Variants in KLHL5 observed in about 807,000 individuals in gnomAD.
KLHL5 encodes kelch like family member 5.
Under a neutral mutation model 77.7 loss-of-function variants are expected in KLHL5, and 48 were observed. The ratio of observed to expected loss-of-function variants is 0.62; its 90% CI spans 0.49 to 0.79. KLHL5 has a LOEUF of 0.79. Ranked by LOEUF, KLHL5 falls within the 30% of genes least tolerant of loss-of-function variation. KLHL5 has a pLI of 0.00. For missense variants in KLHL5, 723 were observed against 859.7 expected (o/e 0.84, Z 1.99); for synonymous variants, 260 against 297.0 (o/e 0.88, Z 1.28).
At chr4:39,080,959 A>G in intron 2 of KLHL5, 144 bp from the exon 3 acceptor site, 1 of 704,272 alleles carries the variant, frequency 1.4e-6, no homozygotes, top group Non-Finnish European at 2.2e-6. Flanking sequence ...AAGGAACTAG[A>G]GCATAAAGCA....
intron 1 of KLHL5, among the ~76,000 whole-genome samples, chr4:39,048,988 C>G (rs1438020556): frequency 3.3e-5 from 5 of 152,100 alleles, no homozygotes; most frequent in Non-Finnish European, 7.4e-5. Flanking sequence ...ACTTAACTTC[C>G]ACTGCTATTT....
intron 7 of KLHL5, among the ~76,000 whole-genome samples, chr4:39,106,919 AAT>A (rs1225220103): frequency 1.3e-5 from 2 of 151,270 alleles, no homozygotes; most frequent in Admixed American, 6.6e-5. Context: ...AAAAAAAAAA[AAT>A]TTGTAGAGAT....
intron 6 of KLHL5, among the ~76,000 whole-genome samples, chr4:39,101,531 A>G (rs1233282570): frequency 6.6e-6 from 1 of 151,970 alleles, no homozygotes; most frequent in East Asian, 1.9e-4. Flanking sequence ...AGTATAAGGG[A>G]CTCTGTTTGG....
chr4:39,126,408 A>G (rs534761024), downstream of KLHL5, among the ~76,000 whole-genome samples: 5 of 152,232 alleles, frequency 3.3e-5, no homozygotes, highest in Admixed American at 3.3e-4. Flanking sequence ...GATGTAGGAG[A>G]GTACCGTGTT....
intron 5 of KLHL5, among the ~76,000 whole-genome samples, chr4:39,087,415 A>G (rs1720150016): frequency 6.6e-6 from 1 of 152,210 alleles, no homozygotes; most frequent in African/African-American, 2.4e-5. Flanking sequence ...TAGATTAACA[A>G]GGTATATTAA....
downstream of KLHL5, among the ~76,000 whole-genome samples, chr4:39,130,295 T>C (rs1003275552): frequency 3.9e-5 from 6 of 152,166 alleles, no homozygotes; most frequent in African/African-American, 1.4e-4. Context: ...AGGAATAGGT[T>C]GGGCTAGTTA....
chr4:39,108,127 C>T (rs1307164082), intron 8 of KLHL5, among the ~76,000 whole-genome samples: 1 of 151,674 alleles, frequency 6.6e-6, no homozygotes, highest in Non-Finnish European at 1.5e-5. Context: ...AAATTCCTTC[C>T]ATCTTTTCTA....
intron 4 of KLHL5, among the ~76,000 whole-genome samples, chr4:39,083,111 T>C (rs1346364795): frequency 2.6e-5 from 4 of 152,206 alleles, no homozygotes; most frequent in Admixed American, 6.5e-5. Flanking sequence ...TCCTCCGTCG[T>C]TCCACTGAGT....
At chr4:39,117,124 C>T (rs1722898616) in intron 10 of KLHL5, among the ~76,000 whole-genome samples, 1 of 152,102 alleles carries the variant, frequency 6.6e-6, no homozygotes, top group African/African-American at 2.4e-5. Flanking sequence ...CATGAGCCAC[C>T]ATGCCCAGCC....
chr4:39,076,047 C>G lies in KLHL5; in HGVS notation c.466C>G (p.His156Asp). The stretch of plus-strand genomic sequence containing the variant: ...AGATGAATTTTTCCAAGCCCTTAAT[C>G]ATGCCGAGCAAACATTTAAAAAAAT... Reference protein sequence around the residue: ...TSDEFFQALNHAEQTFKKMEN... With the variant: ...TSDEFFQALNDAEQTFKKMEN... The change falls in exon 2 of 11, where the codon CAT (histidine) becomes GAT (aspartate). Residue 156 changes from histidine to aspartate, a missense_variant. His to Asp is a moderately conservative substitution (Grantham distance 81). Transcript: ENST00000504108. 6.2e-7 allele frequency: 1 copy of G among 1,611,072 alleles called. No individual in the cohort carries two copies. The highest frequency in any genetic ancestry group is 1.3e-5 in the African/African-American group (1 of 74,822).
At chr4:39,118,545 C>T (rs1446834873) in intron 10 of KLHL5, among the ~76,000 whole-genome samples, 3 of 152,176 alleles carry the variant, frequency 2.0e-5, no homozygotes, top group Non-Finnish European at 2.9e-5. Context: ...CACCTGAGGT[C>T]AGGAGTTCAT....
intron 7 of KLHL5, among the ~76,000 whole-genome samples, chr4:39,106,195 C>A (rs1722023878): frequency 6.6e-6 from 1 of 152,162 alleles, no homozygotes; most frequent in South Asian, 2.1e-4. Context: ...ACCTTGTTGT[C>A]CCTTAGACAC....
chr4:39,068,257 A>G (rs568911210), intron 1 of KLHL5, among the ~76,000 whole-genome samples: 1 of 152,008 alleles, frequency 6.6e-6, no homozygotes, highest in East Asian at 1.9e-4. Context: ...TCAGTTTTAA[A>G]TTAAATTCCT....
chr4:39,072,103 G>C (rs553352102), intron 1 of KLHL5, among the ~76,000 whole-genome samples: 36 of 152,152 alleles, frequency 2.4e-4, no homozygotes, highest in African/African-American at 8.4e-4. Context: ...TAAATAAGAA[G>C]TATGAAATTT....
intron 5 of KLHL5, among the ~76,000 whole-genome samples, chr4:39,090,449 G>GTTTTTTTTTTTTTTTTTTTTTATTTT (rs746309553): frequency 7.4e-6 from 1 of 135,004 alleles, no homozygotes; most frequent in Non-Finnish European, 1.6e-5. Context: ...TTTTTGTATG[G>GTTTTTTTTTTTTTTTTTTTTTATTTT]TTTTTTTTTT....
chr4:39,091,146 G>T (rs1002215650), intron 5 of KLHL5, among the ~76,000 whole-genome samples: 3 of 151,558 alleles, frequency 2.0e-5, no homozygotes, highest in Admixed American at 6.6e-5. Flanking sequence ...ATGCCACTAC[G>T]CCTGGCTAAT....
chr4:39,063,104 A>T, intron 1 of KLHL5, 69 bp downstream of exon 1: 1 of 1,103,744 alleles, frequency 9.1e-7, no homozygotes, highest in Non-Finnish European at 1.2e-6. Context: ...TAAATAATTT[A>T]GTATTTATTA....
In KLHL5 at chr4:39,068,935, G is replaced by A. The variant is rs987341627; in HGVS notation, c.383+5900G>A. On this transcript the variant is annotated intron_variant, in intron 1 of 10. Coordinates refer to ENST00000504108, the MANE Select transcript of KLHL5 (RefSeq NM_015990.5). ...TAAAATGATATAACAAAGAGATTCAGAAACACAGTGGCTTAAATTAGATGG... is the reference window on the plus strand; with the variant it reads ...TAAAATGATATAACAAAGAGATTCAAAAACACAGTGGCTTAAATTAGATGG... Among the ~76,000 whole-genome samples the A allele has an allele frequency of 3.9e-5, 6 of 152,198 alleles. No individual in the cohort carries two copies. The East Asian group carries it at 1.2e-3, about 29-fold the overall frequency.
intron 5 of KLHL5, among the ~76,000 whole-genome samples, chr4:39,089,389 C>T (rs1720318925): frequency 6.6e-6 from 1 of 152,188 alleles, no homozygotes; most frequent in Non-Finnish European, 1.5e-5. Flanking sequence ...GTTCCCAAAG[C>T]TTCTTGGCAC....
Sources: allele counts gnomAD v4.1 joint callset (sites outside exome capture counted in the v4.1 genomes callset), GRCh38; gene constraint gnomAD v4.1.1; transcripts MANE v1.5; gene names NCBI Gene and HGNC (gene_info 2026-07-23, HGNC 2026-07-21).